EIF4G3: variants seen among roughly 807,000 people sequenced by gnomAD.
The protein encoded by EIF4G3 is eukaryotic translation initiation factor 4 gamma 3.
A neutral mutation model predicts 186.4 loss-of-function variants in EIF4G3; 34 were observed. The ratio of observed to expected loss-of-function variants is 0.18; its 90% CI spans 0.14 to 0.24. The LOEUF (loss-of-function observed/expected upper bound fraction) is 0.24. Among genes scored for constraint, EIF4G3 ranks in the 10% least tolerant of loss-of-function variants. The pLI, the probability that EIF4G3 is intolerant of heterozygous loss-of-function variation, is 1.00. For synonymous variants in EIF4G3, 673 were observed against 679.5 expected (o/e 0.99, Z 0.15); for missense variants, 1,536 against 1,948.5 (o/e 0.79, Z 3.99).
At chr1:21,053,884 G>A (rs1357757058) in intron 3 of EIF4G3, among the ~76,000 whole-genome samples, 2 of 151,488 alleles carry the variant, frequency 1.3e-5, no homozygotes, top group African/African-American at 2.4e-5. Flanking sequence ...CGCCCCGTCT[G>A]CGAGGTGAGG....
chr1:21,086,443 A>T lies in EIF4G3; in HGVS notation c.-196+2695T>A, dbSNP rs190483702. ...TCTTTATTTCACTTCATATTATGTC[A>T]TAGTGAACTGTCTACTGGCCATTCC... On this transcript the variant is annotated intron_variant, in intron 3 of 36. Transcript: ENST00000602326. Among the ~76,000 whole-genome samples, 96 of 152,246 alleles carry T rather than the reference A, an allele frequency of 6.3e-4. 3 individuals are homozygous for T. The South Asian group carries it at 0.018, about 29-fold the overall frequency.
intron 4 of EIF4G3, among the ~76,000 whole-genome samples, chr1:21,043,823 G>C (rs959388396): frequency 8.3e-6 from 1 of 120,290 alleles, no homozygotes; most frequent in Non-Finnish European, 1.6e-5. Context: ...GCAGTGAGCA[G>C]AAAACACACT....
At chr1:21,093,775 T>C (rs2096273131) in intron 2 of EIF4G3, among the ~76,000 whole-genome samples, 1 of 151,960 alleles carries the variant, frequency 6.6e-6, no homozygotes, top group Non-Finnish European at 1.5e-5. Context: ...TATGCAGCCA[T>C]AAAAAAGGAT....
At chr1:21,129,736 C>T (rs2097119236) in intron 2 of EIF4G3, among the ~76,000 whole-genome samples, 1 of 151,986 alleles carries the variant, frequency 6.6e-6, no homozygotes, top group Non-Finnish European at 1.5e-5. Flanking sequence ...ACCCCAATTC[C>T]AGTGAGGAAG....
At chr1:21,068,420 T>C (rs908877171) in intron 3 of EIF4G3, among the ~76,000 whole-genome samples, 2 of 140,506 alleles carry the variant, frequency 1.4e-5, no homozygotes, top group African/African-American at 5.1e-5. Flanking sequence ...TCACATGAAC[T>C]TGTAGATTCA....
intron 2 of EIF4G3, among the ~76,000 whole-genome samples, chr1:21,157,490 C>G (rs558452494): frequency 6.6e-6 from 1 of 151,780 alleles, no homozygotes; most frequent in Non-Finnish European, 1.5e-5. Context: ...TCCTGCTCAC[C>G]ACTACACCTG....
chr1:21,084,513 G>C (rs1018822867), intron 3 of EIF4G3, among the ~76,000 whole-genome samples: 3 of 152,036 alleles, frequency 2.0e-5, no homozygotes. Flanking sequence ...TGACTTGTTG[G>C]GGATTACAAT....
rs113841462 is a variant in EIF4G3 at position 20,879,588 on chromosome 1, T to C, written c.2425-68A>G. ...GACAATATGGTGCTTTCTGTAATGA[T>C]TAATTTTAAAAATAATATATAAGTT... On this transcript the variant is annotated intron_variant, in intron 19 of 36. Transcript: ENST00000602326. 2.6e-4 allele frequency: 253 copies of C among 986,740 alleles called. 1 individual carries two copies. In the African/African-American group the frequency reaches 4.1e-3, roughly 16 times the overall value. 61.1% of individuals were successfully genotyped at this position (986,740 alleles called of 1,614,324 possible). A position where few individuals can be genotyped will look rare whatever the true frequency, so the allele number is the denominator to read the frequency against.
chr1:21,113,146 CAAAAAAAAAAAAAA>C lies in EIF4G3; in HGVS notation c.-271-23947_-271-23934del, dbSNP rs5772939. ...GGCCTGGCTGATAGAGGCCCTATCT[CAAAAAAAAAAAAAA>C]AAAAAAAAAAAAAAGAGCTATGTAA... On this transcript the variant is annotated intron_variant, in intron 2 of 36. Coordinates refer to ENST00000602326, the MANE Select transcript of EIF4G3 (RefSeq NM_001391906.1). 1.7e-4 allele frequency among the ~76,000 whole-genome samples: 9 copies of C among 51,466 alleles called. No individual in the cohort carries two copies. In the East Asian group the frequency reaches 3.1e-3, roughly 17 times the overall value. The allele number at this position is 51,466 out of a possible 152,430, so 33.8% of individuals were successfully genotyped here.
intron 2 of EIF4G3, 197 bp downstream of exon 2, chr1:21,175,978 G>C (rs1573853846): frequency 3.9e-6 from 1 of 255,276 alleles, no homozygotes; most frequent in Non-Finnish European, 7.4e-6. Flanking sequence ...CAGTATTGCA[G>C]AGGGTCTGGG....
intron 2 of EIF4G3, among the ~76,000 whole-genome samples, chr1:21,123,328 C>T (rs1455055753): frequency 4.0e-5 from 6 of 151,824 alleles, no homozygotes; most frequent in African/African-American, 9.7e-5. Context: ...TGTGGGAGGC[C>T]GAGATGAGCA....
At chr1:21,123,506 A>G (rs576257167) in intron 2 of EIF4G3, among the ~76,000 whole-genome samples, 1 of 151,518 alleles carries the variant, frequency 6.6e-6, no homozygotes, top group African/African-American at 2.4e-5. Flanking sequence ...CAAAGGTTAC[A>G]GTGGGCCAAG....
chr1:21,010,261 T>C (rs1287511612), intron 4 of EIF4G3, among the ~76,000 whole-genome samples: 3 of 150,934 alleles, frequency 2.0e-5, no homozygotes, highest in Non-Finnish European at 4.4e-5. Flanking sequence ...GCCTGGCCAA[T>C]ATACAAAAAT....
intron 2 of EIF4G3, among the ~76,000 whole-genome samples, chr1:21,136,571 A>G (rs1259281657): frequency 6.6e-6 from 1 of 152,082 alleles, no homozygotes; most frequent in Non-Finnish European, 1.5e-5. Context: ...CCTTAACTAC[A>G]TGGTTTAATG....
intron 7 of EIF4G3, among the ~76,000 whole-genome samples, chr1:20,993,842 C>T (rs2081646785): frequency 6.6e-6 from 1 of 152,116 alleles, no homozygotes; most frequent in Non-Finnish European, 1.5e-5. Context: ...AAAGTATATT[C>T]TCTGTATACC....
At chr1:20,868,890 A>G (rs2078317558) in intron 20 of EIF4G3, among the ~76,000 whole-genome samples, 1 of 152,210 alleles carries the variant, frequency 6.6e-6, no homozygotes, top group South Asian at 2.1e-4. Context: ...ATCCACATAC[A>G]GGTCACTCAG....
At chr1:21,147,274 A>G (rs2097459579) in intron 2 of EIF4G3, among the ~76,000 whole-genome samples, 2 of 152,064 alleles carry the variant, frequency 1.3e-5, no homozygotes, top group South Asian at 4.1e-4. Context: ...AAATAAATAA[A>G]TAAATCTATA....
chr1:21,136,580 T>C (rs530366847), intron 2 of EIF4G3, among the ~76,000 whole-genome samples: 1 of 151,726 alleles, frequency 6.6e-6, no homozygotes, highest in East Asian at 1.9e-4. Context: ...CATGGTTTAA[T>C]GGGAAAAACT....
intron 16 of EIF4G3, among the ~76,000 whole-genome samples, chr1:20,899,356 C>T (rs1404098557): frequency 2.0e-5 from 3 of 152,160 alleles, no homozygotes; most frequent in African/African-American, 7.2e-5. Context: ...AACGCCATCT[C>T]GAGGAATGTG....
Sources: gnomAD v4.1 joint callset for allele counts (sites outside exome capture counted in the v4.1 genomes callset) on GRCh38, gnomAD v4.1.1 for gene constraint, MANE v1.5 for transcripts, NCBI Gene and HGNC (gene_info 2026-07-23, HGNC 2026-07-21) for gene names.